The following VGF variants were observed in gnomAD, a reference collection of about 807,000 sequenced individuals.
VGF encodes VGF nerve growth factor inducible, also known as neurosecretory protein VGF.
In VGF, 13 loss-of-function variants were observed where a neutral mutation model predicts 41.1. The observed-to-expected ratio is 0.32, with a 90% CI of 0.21 to 0.50. The LOEUF is 0.50. Ranked by LOEUF, VGF falls within the 20% of genes least tolerant of loss-of-function variation. The pLI, the probability that VGF is intolerant of heterozygous loss-of-function variation, is 0.98. For missense variants in VGF, 920 were observed against 882.1 expected (o/e 1.04, Z -0.54); for synonymous variants, 473 against 418.3 (o/e 1.13, Z -1.60).
rs557175283 is a variant in VGF, at chr7:101,164,476, G to A, written c.368C>T (p.Thr123Ile). Residue 123 changes from threonine to isoleucine, a missense_variant, in exon 2 of 2, where the codon ACC becomes ATC. Around this residue, in one of 3 missense-constraint regions of VGF, gnomAD observed 654 missense variants for 638.4 expected, o/e 1.02. Transcript: ENST00000249330. ...ALLTETVRSQ[T>I]HSLPAPESPE... ...GCTCTCCGGCGCCGGGAGGCTGTGG[G>A]TCTGGCTGCGCACGGTCTCGGTCAG... The A allele has an allele frequency of 1.7e-5, 28 of 1,602,302 alleles. No homozygotes were observed. The Middle Eastern group carries it at 5.2e-4, about 30-fold the overall frequency.
At position 101,163,188 on chromosome 7, in the gene VGF, C is replaced by T. The variant is rs754480315; in HGVS notation, c.1656G>A (p.Pro552=). 6.5e-7 allele frequency: 1 copy of T among 1,546,504 alleles called. No homozygotes were observed. Among genetic ancestry groups the T allele is most frequent in the Non-Finnish European group, 8.7e-7 (1 of 1,153,992 alleles). The part of the protein sequence containing the change: ...PYHPFPNYIR[P]RTLQPPSALR... Reference sequence around the variant, plus strand: ...AGGCCGAGGGCGGCTGCAGTGTCCGCGGCCGGATGTAGTTGGGGAAAGGGT... The same window carrying T: ...AGGCCGAGGGCGGCTGCAGTGTCCGTGGCCGGATGTAGTTGGGGAAAGGGT... The change falls in exon 2 of 2, where the codon CCG becomes CCA. Residue 552 remains proline, a synonymous_variant. Coordinates refer to ENST00000249330, the MANE Select transcript of VGF (RefSeq NM_003378.4). The surrounding 1 kb of genome is among the most constrained non-coding windows in gnomAD (Gnocchi z 5.0).
chr7:101,164,620 T>A lies in VGF; in HGVS notation c.224A>T (p.Gln75Leu). Residue 75 changes from glutamine (Q) to leucine (L), a missense_variant, in exon 2 of 2, where the codon CAG (glutamine) becomes CTG (leucine). Gln to Leu is a moderately radical substitution (Grantham distance 113, BLOSUM62 -2). Around this residue, in one of 3 missense-constraint regions of VGF, gnomAD observed 654 missense variants for 638.4 expected, o/e 1.02. Coordinates refer to ENST00000249330, the MANE Select transcript of VGF (RefSeq NM_003378.4). ...SEPQDEGELFQGVDPRALAAV... is the reference protein window; with the variant it reads ...SEPQDEGELFLGVDPRALAAV... The stretch of plus-strand genomic sequence containing the variant: ...GGCCAGCGCCCGGGGATCCACGCCC[T>A]GGAAAAGCTCTCCCTCGTCCTGCGG... The A allele has an allele frequency of 6.3e-7, 1 of 1,598,644 alleles. No individual in the cohort carries two copies. Among genetic ancestry groups the A allele is most frequent in the South Asian group, 1.1e-5 (1 of 89,656 alleles).
In VGF at chr7:101,163,304, CG is replaced by C; in HGVS notation, c.1539del (p.Ala514LeufsTer160). On this transcript the variant is annotated frameshift_variant, in exon 2 of 2. Transcript: ENST00000249330. LOFTEE classifies it high-confidence loss of function. This position sits in a 1 kb window ranked among gnomAD's most constrained non-coding sequence, Gnocchi z 5.0. Reference sequence around the variant, plus strand: ...TCCGGCAGCTCGTCTCGTGCGGGAGCGGGGGCGGGGGGCGGGGGCTGCGGGG... The same window carrying C: ...TCCGGCAGCTCGTCTCGTGCGGGAGCGGGGCGGGGGGCGGGGGCTGCGGGG... The part of the protein sequence containing the change: ...VRSPQPPPPA[P>X]APARDELPDW... 1.4e-6 allele frequency: 1 copy of C among 715,514 alleles called. No homozygotes were observed. The highest frequency in any genetic ancestry group is 1.8e-6 in the Non-Finnish European group (1 of 565,104). 44.3% of individuals were successfully genotyped at this position (715,514 alleles called of 1,614,324 possible).
Position 101,163,616 on chromosome 7 carries a change from C to T in VGF, c.1228G>A (p.Asp410Asn), listed in dbSNP as rs1261960322. 3.9e-6 allele frequency: 6 copies of T among 1,550,222 alleles called. No homozygotes were observed. The highest frequency in any genetic ancestry group is 1.2e-5 in the South Asian group (1 of 85,448). The change falls in exon 2 of 2, where the codon GAC (aspartate) becomes AAC (asparagine). Residue 410 changes from aspartate (D) to asparagine (N), a missense_variant. Physicochemically the swap from Asp to Asn is conservative, Grantham distance 23 (BLOSUM62 1). This residue lies in a region of VGF where 654 missense variants were observed against 638.4 expected (regional missense o/e 1.02). Transcript: ENST00000249330. The surrounding 1 kb of genome is among the most constrained non-coding windows in gnomAD (Gnocchi z 5.0). Reference protein sequence around the residue: ...QNALLFAEEEDGEAGAEDKRS... With the variant: ...QNALLFAEEENGEAGAEDKRS... ...TTGTCCTCGGCGCCGGCTTCCCCGT[C>T]CTCCTCCTCCGCGAACAGGAGCGCG...
upstream of VGF, among the ~76,000 whole-genome samples, chr7:101,169,293 G>C (rs1177055780): frequency 1.5e-5 from 1 of 67,860 alleles, no homozygotes; most frequent in Non-Finnish European, 2.8e-5. Context: ...CCACTGGAGA[G>C]ACTAACACAC....
At chr7:101,169,881 A>G (rs1486824126), upstream of VGF, among the ~76,000 whole-genome samples, 1 of 152,118 alleles carries the variant, frequency 6.6e-6, no homozygotes, top group Non-Finnish European at 1.5e-5. Flanking sequence ...CAGACACACA[A>G]AGACGCCCAC....
At chr7:101,165,317 C>CA in intron 1 of VGF, 57 bp downstream of exon 1, 1 of 986,288 alleles carries the variant, frequency 1.0e-6, no homozygotes, top group Non-Finnish European at 1.2e-6. Context: ...AGAGAACCCT[C>CA]CCTCACGCCC....
Position 101,163,948 on chromosome 7 carries a change from T to C in VGF, c.896A>G (p.Gln299Arg), listed in dbSNP as rs1797166964. Residue 299 changes from glutamine (Q) to arginine (R), a missense_variant, in exon 2 of 2, where the codon CAA (glutamine) becomes CGA (arginine). Around this residue, in one of 3 missense-constraint regions of VGF, gnomAD observed 654 missense variants for 638.4 expected, o/e 1.02. Coordinates refer to ENST00000249330, the MANE Select transcript of VGF (RefSeq NM_003378.4). This position sits in a 1 kb window ranked among gnomAD's most constrained non-coding sequence, Gnocchi z 5.0. ...GSEAGERLLQ[Q>R]GLAQVEAGRR... ...CCCGGCCTCCACCTGCGCCAGCCCT[T>C]GCTGGAGAAGGCGCTCGCCCGCCTC... 4 of 1,459,468 alleles carry C rather than the reference T, an allele frequency of 2.7e-6. No individual in the cohort carries two copies. The African/African-American group carries it at 4.4e-5, about 16-fold the overall frequency. The allele number at this position is 1,459,468 out of a possible 1,614,324, so 90.4% of individuals were successfully genotyped here.
rs937756747 is a variant in VGF at position 101,165,542 on chromosome 7, G to A, written c.-189C>T. On this transcript the variant is annotated 5_prime_UTR_variant, in exon 1 of 2. Transcript: ENST00000249330. ...CAGCTGGGTCGGCGCGGCTCCGGGC[G>A]GCTAGCTCGCTCCGGCTTCAGCACG... 65 of 985,334 alleles carry A rather than the reference G, an allele frequency of 6.6e-5. No homozygotes were observed. The highest frequency in any genetic ancestry group is 4.7e-4 in the South Asian group (10 of 21,296). 61.0% of individuals were successfully genotyped at this position (985,334 alleles called of 1,614,324 possible). A position where few individuals can be genotyped will look rare whatever the true frequency, so the allele number is the denominator to read the frequency against.
rs773080194 is a variant in VGF, at chr7:101,164,196, A to C, written c.648T>G (p.Arg216=). 44 of 1,530,806 alleles carry C rather than the reference A, an allele frequency of 2.9e-5. No homozygotes were observed. The highest frequency in any genetic ancestry group is 3.8e-5 in the Non-Finnish European group (43 of 1,143,650). 94.8% of individuals were successfully genotyped at this position (1,530,806 alleles called of 1,614,324 possible). The change falls in exon 2 of 2, where the codon CGT becomes CGG. Residue 216 remains arginine (R), a synonymous_variant. Transcript: ENST00000249330. The part of the protein sequence containing the change: ...WRASWGEFQA[R]VPERAPLPPP... ...GCGGCAGGGGCGCGCGCTCCGGGAC[A>C]CGCGCCTGGAACTCTCCCCAGGAAG...
chr7:101,166,833 G>C (rs1797227988), upstream of VGF, among the ~76,000 whole-genome samples: 2 of 137,138 alleles, frequency 1.5e-5, no homozygotes, highest in Admixed American at 1.5e-4. Context: ...GGCAAGGGGG[G>C]CAGCCACTGC....
chr7:101,162,871 C>A lies in VGF; in HGVS notation c.*125G>T. ...GGCAGGTCCCGACGCAGCCCGGGGA[C>A]AGGGGCAGGGCCAAGGGGCAGGGCC... On this transcript the variant is annotated 3_prime_UTR_variant, in exon 2 of 2. Coordinates refer to ENST00000249330, the MANE Select transcript of VGF (RefSeq NM_003378.4). This position sits in a 1 kb window ranked among gnomAD's most constrained non-coding sequence, Gnocchi z 4.2. The A allele has an allele frequency of 1.4e-6, 1 of 709,540 alleles. No homozygotes were observed. The highest frequency in any genetic ancestry group is 1.5e-5 in the South Asian group (1 of 66,132). The allele number at this position is 709,540 out of a possible 1,614,324, so 44.0% of individuals were successfully genotyped here.
At position 101,165,524 on chromosome 7, in the gene VGF, G is replaced by A. The variant is rs982234483; in HGVS notation, c.-171C>T. ...CGTCCCGTGGGCTGGGCTCAGCTGG[G>A]TCGGCGCGGCTCCGGGCGGCTAGCT... On this transcript the variant is annotated 5_prime_UTR_variant, in exon 1 of 2. Coordinates refer to ENST00000249330, the MANE Select transcript of VGF (RefSeq NM_003378.4). 3.0e-6 allele frequency: 3 copies of A among 985,468 alleles called. No homozygotes were observed. The highest frequency in any genetic ancestry group is 3.6e-6 in the Non-Finnish European group (3 of 829,954). The allele number at this position is 985,468 out of a possible 1,614,324, so 61.0% of individuals were successfully genotyped here.
chr7:101,168,154 C>T (rs985078817), upstream of VGF, among the ~76,000 whole-genome samples: 1 of 151,930 alleles, frequency 6.6e-6, no homozygotes, highest in African/African-American at 2.4e-5. Context: ...TGTGTGTAAG[C>T]ACACACATGC....
chr7:101,165,731 G>T, upstream of VGF: 3 of 895,350 alleles, frequency 3.4e-6, no homozygotes, highest in Non-Finnish European at 4.0e-6. Context: ...CTCCCGGCCT[G>T]CGCCTGCGCG....
At position 101,162,947 on chromosome 7, in the gene VGF, GGCGC is replaced by G. The variant is rs770611627; in HGVS notation, c.*45_*48del. The G allele has an allele frequency of 4.3e-6, 4 of 938,670 alleles. No individual in the cohort carries two copies. Among genetic ancestry groups the G allele is most frequent in the South Asian group, 6.4e-5 (2 of 31,208 alleles). 58.1% of individuals were successfully genotyped at this position (938,670 alleles called of 1,614,324 possible). A position where few individuals can be genotyped will look rare whatever the true frequency, so the allele number is the denominator to read the frequency against. On this transcript the variant is annotated 3_prime_UTR_variant, in exon 2 of 2. Transcript: ENST00000249330. This position sits in a 1 kb window ranked among gnomAD's most constrained non-coding sequence, Gnocchi z 4.2. ...AGCGGGCAACACGGAGGGGGGCGCC[GGCGC>G]GCGCGCGCGGCGGGGGCGCGCGGGG...
chr7:101,167,275 A>G (rs745456130), upstream of VGF, among the ~76,000 whole-genome samples: 1 of 151,592 alleles, frequency 6.6e-6, no homozygotes, highest in African/African-American at 2.4e-5. This position sits in a 1 kb window ranked among gnomAD's most constrained non-coding sequence, Gnocchi z 4.2. Flanking sequence ...GAGAGAAGAG[A>G]TGGGGGCAGG....
chr7:101,168,202 A>G (rs144582194), upstream of VGF, among the ~76,000 whole-genome samples: 12 of 151,804 alleles, frequency 7.9e-5, no homozygotes, highest in East Asian at 1.7e-3. Context: ...ACTTAAGCTC[A>G]CAAGCCCAGG....
chr7:101,165,772 A>G (rs1320903497), upstream of VGF, among the ~76,000 whole-genome samples: 1 of 151,974 alleles, frequency 6.6e-6, no homozygotes, highest in Non-Finnish European at 1.5e-5. Context: ...GGTGTGCGCT[A>G]GCGGAGCTCC....
Sources: gnomAD v4.1 joint callset for allele counts (sites outside exome capture counted in the v4.1 genomes callset) on GRCh38, gnomAD v4.1.1 for gene constraint, gnomAD v4.1.1 regional missense constraint, Gnocchi (gnomAD v3.1) non-coding constraint, MANE v1.5 for transcripts, NCBI Gene and HGNC (gene_info 2026-07-23, HGNC 2026-07-21) for gene names.